The following FGF14 variants were observed in gnomAD, a reference collection of about 807,000 sequenced individuals.
FGF14 encodes the protein fibroblast growth factor homologous factor 4.
Under a neutral mutation model 25.5 loss-of-function variants are expected in FGF14, and 5 were observed. That is an observed-to-expected ratio of 0.20 (90% CI 0.10 to 0.41). FGF14 has a LOEUF of 0.41. Among genes scored for constraint, FGF14 ranks in the 10% least tolerant of loss-of-function variants. The probability of loss-of-function intolerance (pLI) is 1.00; values close to 1 mark genes in which losing one functional copy is unlikely to be tolerated. For synonymous variants in FGF14, 138 were observed against 118.3 expected, an observed-to-expected ratio of 1.17 and a Z score of -1.08; for missense variants, 222 against 320.1, an observed-to-expected ratio of 0.69 and a Z score of 2.34.
At chr13:101,996,662 C>T (rs2039203853) in intron 1 of FGF14, among the ~76,000 whole-genome samples, 1 of 152,156 alleles carries the variant, frequency 6.6e-6, no homozygotes, top group Admixed American at 6.5e-5. Context: ...ATTCATGTAG[C>T]AGCTCCCTCA....
At chr13:102,108,660 T>C (rs913281860) in intron 1 of FGF14, among the ~76,000 whole-genome samples, 2 of 152,240 alleles carry the variant, frequency 1.3e-5, no homozygotes, top group Admixed American at 6.5e-5. Flanking sequence ...AGTTCATGTA[T>C]AGAAATAGGT....
At chr13:102,297,023 T>G (rs149472675) in intron 1 of FGF14, among the ~76,000 whole-genome samples, 22 of 152,136 alleles carry the variant, frequency 1.4e-4, no homozygotes, top group African/African-American at 4.6e-4. Context: ...AAAAAGTAAT[T>G]TTACAGTGGA....
At chr13:101,955,072 T>G (rs17631205) in intron 1 of FGF14, among the ~76,000 whole-genome samples, 15,510 of 152,258 alleles carry the variant, frequency 0.1, 914 homozygotes, top group Admixed American at 0.2. Flanking sequence ...AGCTGCCACC[T>G]GTACTGAGGC....
At chr13:101,878,123 T>C (rs1030492098) in intron 1 of FGF14, among the ~76,000 whole-genome samples, 43 of 152,276 alleles carry the variant, frequency 2.8e-4, no homozygotes, top group African/African-American at 1.0e-3. Context: ...CTATAGCCCT[T>C]ATCCATCCCC....
chr13:101,795,777 A>G (rs969032495), intron 3 of FGF14, among the ~76,000 whole-genome samples: 2 of 152,148 alleles, frequency 1.3e-5, no homozygotes, highest in Non-Finnish European at 2.9e-5. Flanking sequence ...TGAGTCACAG[A>G]TAAATTCATG....
chr13:102,300,937 AT>A (rs1594780577), intron 1 of FGF14, among the ~76,000 whole-genome samples: 2 of 31,604 alleles, frequency 6.3e-5, no homozygotes, highest in East Asian at 2.0e-3. Flanking sequence ...ACACACACAC[AT>A]ACACACACAC....
At chr13:102,100,135 G>A (rs1324873870) in intron 1 of FGF14, among the ~76,000 whole-genome samples, 1 of 152,126 alleles carries the variant, frequency 6.6e-6, no homozygotes, top group Non-Finnish European at 1.5e-5. Flanking sequence ...CAGGGTCTAA[G>A]AATCAAATCA....
chr13:102,161,632 A>AAGAAGAAGG (rs2047712025), intron 1 of FGF14, among the ~76,000 whole-genome samples: 2 of 12,098 alleles, frequency 1.7e-4, no homozygotes. Context: ...GAAGAAGAAG[A>AAGAAGAAGG]AGAAGAAGAA....
intron 3 of FGF14, among the ~76,000 whole-genome samples, chr13:101,843,752 G>C (rs1262440954): frequency 6.6e-6 from 1 of 151,950 alleles, no homozygotes; most frequent in African/African-American, 2.4e-5. Context: ...TCAATGAATA[G>C]AAATTTTCCT....
chr13:101,719,808 G>A lies in FGF14; in HGVS notation c.*3023C>T, dbSNP rs552744431. The A allele has an allele frequency of 1.3e-5, 2 of 151,932 alleles. No homozygotes were observed. Among genetic ancestry groups the A allele is most frequent in the Non-Finnish European group, 2.9e-5 (2 of 67,972 alleles). The allele number at this position is 151,932 out of a possible 1,614,324, so 9.4% of individuals were successfully genotyped here. On this transcript the variant is annotated 3_prime_UTR_variant, in exon 5 of 5. Transcript: ENST00000376143. The stretch of plus-strand genomic sequence containing the variant: ...ATGAATTCCATCAGATTTACTATAC[G>A]GAACATCAGTAGTGACAGATTGCAC...
intron 1 of FGF14, among the ~76,000 whole-genome samples, chr13:102,291,737 A>G (rs1362909893): frequency 1.3e-5 from 2 of 152,130 alleles, no homozygotes. Flanking sequence ...TACAGAGCTC[A>G]GAGCCCAGCA....
intron 3 of FGF14, among the ~76,000 whole-genome samples, chr13:101,834,507 T>C (rs1280111413): frequency 6.6e-6 from 1 of 152,088 alleles, no homozygotes; most frequent in Admixed American, 6.6e-5. Flanking sequence ...CACCCACTTA[T>C]ATGTGCTAAG....
At chr13:102,135,626 T>C (rs2046379349) in intron 1 of FGF14, among the ~76,000 whole-genome samples, 1 of 152,214 alleles carries the variant, frequency 6.6e-6, no homozygotes, top group East Asian at 1.9e-4. Context: ...AGAATTTCTC[T>C]ACATGTGGGA....
intron 1 of FGF14, among the ~76,000 whole-genome samples, chr13:102,083,692 C>T (rs762736684): frequency 8.5e-5 from 13 of 152,352 alleles, no homozygotes; most frequent in Admixed American, 2.6e-4. Flanking sequence ...TATGATTTTA[C>T]CTGCATTTGC....
intron 1 of FGF14, among the ~76,000 whole-genome samples, chr13:102,235,113 C>A (rs1476612476): frequency 1.3e-5 from 2 of 152,194 alleles, no homozygotes; most frequent in Non-Finnish European, 2.9e-5. Flanking sequence ...ACAAAGTCTA[C>A]TGCATATATG....
In FGF14 at chr13:102,298,211, TG is replaced by T. The variant is rs570055576; in HGVS notation, c.208+103259del. On this transcript the variant is annotated intron_variant, in intron 1 of 4. Transcript: ENST00000376131. The stretch of plus-strand genomic sequence containing the variant: ...ATCAAGAAGGATGCTGCACTCAGCT[TG>T]CTTATGTTCTTCAAGTTCTGCTCCA... 2.6e-5 allele frequency among the ~76,000 whole-genome samples: 4 copies of T among 152,254 alleles called. No individual in the cohort carries two copies. In the South Asian group the frequency reaches 8.3e-4, roughly 32 times the overall value.
At chr13:102,204,918 G>C (rs913443158) in intron 1 of FGF14, among the ~76,000 whole-genome samples, 2 of 152,124 alleles carry the variant, frequency 1.3e-5, no homozygotes, top group Non-Finnish European at 2.9e-5. Context: ...GCAACACAAG[G>C]AGATAAAGTA....
At chr13:101,735,264 T>C (rs1312227565) in intron 3 of FGF14, among the ~76,000 whole-genome samples, 1 of 152,230 alleles carries the variant, frequency 6.6e-6, no homozygotes, top group Non-Finnish European at 1.5e-5. Flanking sequence ...TTGTTCATTA[T>C]ACAGTTGATA....
chr13:101,861,136 A>G (rs1394798717), intron 3 of FGF14, among the ~76,000 whole-genome samples: 18 of 152,154 alleles, frequency 1.2e-4, no homozygotes, highest in Admixed American at 1.1e-3. Context: ...TTTGTCTCAC[A>G]TGCAGGAAGA....
Sources: gnomAD v4.1 joint callset for allele counts (sites outside exome capture counted in the v4.1 genomes callset) on GRCh38, gnomAD v4.1.1 for gene constraint, MANE v1.5 for transcripts, NCBI Gene and HGNC (gene_info 2026-07-23, HGNC 2026-07-21) for gene names.